RNLS: variants seen among roughly 807,000 people sequenced by gnomAD.
The protein encoded by RNLS is renalase.
RNLS carries 39 observed loss-of-function variants against 39.8 expected under a neutral mutation model. That is an observed-to-expected ratio of 0.98 (90% CI 0.76 to 1.28). The LOEUF is 1.28. Ranked by LOEUF, RNLS falls within the 50% of genes most tolerant of loss-of-function variation. The pLI is 0.00. For missense variants in RNLS, 410 were observed against 413.3 expected, an observed-to-expected ratio of 0.99 and a Z score of 0.07; for synonymous variants, 147 against 150.7, an observed-to-expected ratio of 0.98 and a Z score of 0.18.
At chr10:88,374,099 C>G (rs1181813577) in intron 4 of RNLS, among the ~76,000 whole-genome samples, 1 of 151,740 alleles carries the variant, frequency 6.6e-6, no homozygotes, top group Non-Finnish European at 1.5e-5. Flanking sequence ...AAAATAATAA[C>G]AATTATTGTT....
rs548070073 is a variant in RNLS, at chr10:88,484,597, T to C, written c.526+88306A>G. Among the ~76,000 whole-genome samples, 21 of 152,006 alleles carry C rather than the reference T, an allele frequency of 1.4e-4. No individual in the cohort carries two copies. In the South Asian group the frequency reaches 2.9e-3, roughly 21 times the overall value. Reference sequence around the variant, plus strand: ...TCCTAGCTACTACAGAAGATTATAATGAGAAGAGTAAGTGCCACAAGACAG... The same window carrying C: ...TCCTAGCTACTACAGAAGATTATAACGAGAAGAGTAAGTGCCACAAGACAG... On this transcript the variant is annotated intron_variant, in intron 4 of 6. Transcript: ENST00000331772.
intron 4 of RNLS, among the ~76,000 whole-genome samples, chr10:88,403,150 A>G (rs1853042724): frequency 6.6e-6 from 1 of 152,076 alleles, no homozygotes; most frequent in South Asian, 2.1e-4. Context: ...TTCTTCAACA[A>G]AAGATTACAA....
At chr10:88,333,719 T>C (rs1231170806) in intron 5 of RNLS, among the ~76,000 whole-genome samples, 1 of 152,188 alleles carries the variant, frequency 6.6e-6, no homozygotes, top group Non-Finnish European at 1.5e-5. Flanking sequence ...CCAAAACTCG[T>C]ATGTGAAATC....
At chr10:88,563,238 G>T (rs1370275943) in intron 4 of RNLS, among the ~76,000 whole-genome samples, 2 of 152,034 alleles carry the variant, frequency 1.3e-5, no homozygotes, top group East Asian at 3.9e-4. Context: ...ATAAAAAATA[G>T]ATTAGCTAAG....
intron 4 of RNLS, among the ~76,000 whole-genome samples, chr10:88,418,811 G>C (rs1188353542): frequency 6.6e-6 from 1 of 152,120 alleles, no homozygotes; most frequent in African/African-American, 2.4e-5. Flanking sequence ...AAGTTCCTGG[G>C]ATAAAGAAGT....
At chr10:88,527,539 A>C (rs1847177355) in intron 4 of RNLS, among the ~76,000 whole-genome samples, 1 of 152,174 alleles carries the variant, frequency 6.6e-6, no homozygotes. Flanking sequence ...GCCTCATGGG[A>C]TATCTTTTTC....
At chr10:88,247,898 A>G in the RNLS span, among the ~76,000 whole-genome samples, 1 of 152,246 alleles carries the variant, frequency 6.6e-6, no homozygotes. Context: ...AAAAGGGGGC[A>G]CTAGGCAAAG....
the RNLS span, among the ~76,000 whole-genome samples, chr10:88,228,610 CACT>C: frequency 6.6e-6 from 1 of 152,232 alleles, no homozygotes; most frequent in Non-Finnish European, 1.5e-5. Context: ...CGGTGTCCAC[CACT>C]GTCTTCCAAC....
chr10:88,325,995 T>G (rs1331994685), intron 5 of RNLS, among the ~76,000 whole-genome samples: 1 of 152,178 alleles, frequency 6.6e-6, no homozygotes, highest in Admixed American at 6.6e-5. Flanking sequence ...TTGCTTCCTC[T>G]TTGCCTTCCG....
intron 4 of RNLS, among the ~76,000 whole-genome samples, chr10:88,439,356 C>T (rs1377773772): frequency 6.6e-6 from 1 of 152,252 alleles, no homozygotes; most frequent in South Asian, 2.1e-4. Flanking sequence ...GTAAGTATAT[C>T]AGATAGTAGG....
chr10:88,393,168 C>T (rs1259520867), intron 4 of RNLS, among the ~76,000 whole-genome samples: 63 of 151,782 alleles, frequency 4.2e-4, no homozygotes, highest in Admixed American at 4.1e-3. Flanking sequence ...TCCTATTCAA[C>T]ATAGTGTTGG....
chr10:88,536,707 C>T (rs529918985), intron 4 of RNLS, among the ~76,000 whole-genome samples: 21 of 152,094 alleles, frequency 1.4e-4, no homozygotes, highest in Non-Finnish European at 2.9e-4. Flanking sequence ...CATTCTTCCC[C>T]CCATGCAACA....
intron 4 of RNLS, among the ~76,000 whole-genome samples, chr10:88,446,454 T>A (rs1305373603): frequency 6.6e-6 from 1 of 151,778 alleles, no homozygotes; most frequent in Non-Finnish European, 1.5e-5. Context: ...AGGCAAGAAA[T>A]AACTAAGATC....
chr10:88,285,379 A>G lies in RNLS; in HGVS notation c.1004T>C (p.Leu335Pro), dbSNP rs544985084. Residue 335 changes from leucine (L) to proline (P), a missense_variant, in exon 7 of 7, where the codon CTG becomes CCG. Transcript: ENST00000331772. ...DGCITSALCV[L>P]EALKNYI ...CTAAATATAATTCTTTAAAGCTTCC[A>G]GAACACATAGGGCAGAAGTGATGCA... 1.4e-5 allele frequency: 22 copies of G among 1,612,506 alleles called. No homozygotes were observed. Among genetic ancestry groups the G allele is most frequent in the Middle Eastern group, 1.7e-4 (1 of 6,046 alleles).
At chr10:88,561,932 G>A (rs1849214818) in intron 4 of RNLS, among the ~76,000 whole-genome samples, 1 of 152,056 alleles carries the variant, frequency 6.6e-6, no homozygotes, top group Admixed American at 6.6e-5. Flanking sequence ...ATGAAAAGAG[G>A]CTCAATTTTA....
intron 4 of RNLS, among the ~76,000 whole-genome samples, chr10:88,368,280 A>G (rs1007929692): frequency 1.3e-5 from 2 of 152,106 alleles, no homozygotes; most frequent in Non-Finnish European, 2.9e-5. Flanking sequence ...TAGCTTTATT[A>G]TCCTATTATT....
intron 5 of RNLS, among the ~76,000 whole-genome samples, chr10:88,325,964 G>A (rs113590678): frequency 1.9e-3 from 291 of 152,196 alleles, no homozygotes; most frequent in East Asian, 0.018. Flanking sequence ...CTGTCCTGCC[G>A]CCATGTGAGA....
chr10:88,496,334 C>G (rs151209630), intron 4 of RNLS, among the ~76,000 whole-genome samples: 118 of 152,158 alleles, frequency 7.8e-4, no homozygotes, highest in Non-Finnish European at 1.3e-3. Context: ...CGAAAATTTC[C>G]AAGAGAACTA....
At chr10:88,274,506 T>G (rs963203109) in exon 7 of RNLS, 6 of 157,478 alleles carry the variant, frequency 3.8e-5, no homozygotes, top group Non-Finnish European at 7.0e-5. Context: ...TCATCCATAT[T>G]GCAGCATGTC....
Sources: allele counts gnomAD v4.1 joint callset (sites outside exome capture counted in the v4.1 genomes callset), GRCh38; gene constraint gnomAD v4.1.1; transcripts MANE v1.5; gene names NCBI Gene and HGNC (gene_info 2026-07-23, HGNC 2026-07-21).